The following KHDRBS2 variants were observed in gnomAD, a reference collection of about 807,000 sequenced individuals.
KHDRBS2 encodes KH domain-containing, RNA-binding, signal transduction-associated protein 2.
Under a neutral mutation model 44.3 loss-of-function variants are expected in KHDRBS2, and 26 were observed. That is an observed-to-expected ratio of 0.59 (90% CI 0.43 to 0.81). The LOEUF (loss-of-function observed/expected upper bound fraction) is 0.81, where lower values mean the gene tolerates loss of function less well. KHDRBS2 is among the 40% of genes least tolerant of loss of function. KHDRBS2 has a pLI of 0.00. For missense variants in KHDRBS2, 476 were observed against 433.1 expected (o/e 1.10, Z -0.88); for synonymous variants, 194 against 151.1 (o/e 1.28, Z -2.08).
At chr6:62,285,224 TTGGTA>T (rs1236217256) in intron 1 of KHDRBS2, among the ~76,000 whole-genome samples, 1 of 152,126 alleles carries the variant, frequency 6.6e-6, no homozygotes, top group Non-Finnish European at 1.5e-5. Context: ...AAATGCACAC[TTGGTA>T]AAACAGTTGA....
chr6:62,199,919 G>A (rs1300474381), intron 1 of KHDRBS2, among the ~76,000 whole-genome samples: 1 of 152,152 alleles, frequency 6.6e-6, no homozygotes, highest in African/African-American at 2.4e-5. Flanking sequence ...AGAGCCCTCA[G>A]AAATAATGCC....
chr6:61,612,391 GAATA>G, the KHDRBS2 span, among the ~76,000 whole-genome samples: 6 of 152,296 alleles, frequency 3.9e-5, no homozygotes, highest in East Asian at 9.6e-4. Flanking sequence ...TGGTTTGTTA[GAATA>G]AATATAGACC....
At chr6:61,610,918 G>A in the KHDRBS2 span, among the ~76,000 whole-genome samples, 34 of 152,224 alleles carry the variant, frequency 2.2e-4, no homozygotes, top group East Asian at 3.9e-4. Context: ...AACATGCTAA[G>A]GACCATTCTG....
chr6:61,744,548 A>T (rs993458316), intron 6 of KHDRBS2, among the ~76,000 whole-genome samples: 1 of 152,126 alleles, frequency 6.6e-6, no homozygotes, highest in Non-Finnish European at 1.5e-5. Context: ...TGTGTCTCCT[A>T]CCAAGAGATG....
chr6:61,851,173 G>A (rs1795348258), intron 6 of KHDRBS2, among the ~76,000 whole-genome samples: 2 of 151,342 alleles, frequency 1.3e-5, no homozygotes, highest in Non-Finnish European at 2.9e-5. Flanking sequence ...TTGCCTAAAA[G>A]CCTCTGTTGA....
intron 3 of KHDRBS2, among the ~76,000 whole-genome samples, chr6:62,026,231 C>T (rs955001951): frequency 5.9e-5 from 9 of 151,406 alleles, no homozygotes; most frequent in South Asian, 2.1e-4. Flanking sequence ...ATAACACTTT[C>T]CCCACTTGGC....
At chr6:62,216,976 A>T (rs1230344441) in intron 1 of KHDRBS2, among the ~76,000 whole-genome samples, 1 of 150,576 alleles carries the variant, frequency 6.6e-6, no homozygotes, top group African/African-American at 2.4e-5. Context: ...AGACTATAGA[A>T]ATTTCCTGGC....
chr6:61,889,562 T>C (rs1801492062), intron 6 of KHDRBS2, among the ~76,000 whole-genome samples: 1 of 125,086 alleles, frequency 8.0e-6, no homozygotes, highest in Non-Finnish European at 1.6e-5. Context: ...CACTTAGAAT[T>C]GAACCTCCTC....
intron 2 of KHDRBS2, among the ~76,000 whole-genome samples, chr6:62,048,382 G>A (rs1118201): frequency 0.82 from 124,839 of 151,738 alleles, 51,763 homozygotes; most frequent in Admixed American, 0.88. Context: ...TGATTTTAAC[G>A]TAAGTCTATG....
the KHDRBS2 span, among the ~76,000 whole-genome samples, chr6:61,568,956 C>T: frequency 1.1e-5 from 1 of 94,480 alleles, no homozygotes; most frequent in African/African-American, 4.1e-5. Flanking sequence ...CAGATATAAG[C>T]ATAGGAGTTG....
intron 1 of KHDRBS2, among the ~76,000 whole-genome samples, chr6:62,268,442 A>G (rs1298012335): frequency 1.3e-5 from 2 of 152,074 alleles, no homozygotes; most frequent in Non-Finnish European, 2.9e-5. Flanking sequence ...TTTCAGGGTG[A>G]CAGCAATGCT....
At chr6:61,939,546 G>T (rs1249092557) in intron 4 of KHDRBS2, among the ~76,000 whole-genome samples, 1 of 131,126 alleles carries the variant, frequency 7.6e-6, no homozygotes, top group Non-Finnish European at 1.8e-5. Context: ...TGAACAATGG[G>T]TAAAAAAAAC....
At chr6:61,746,364 G>A (rs1360574113) in intron 6 of KHDRBS2, among the ~76,000 whole-genome samples, 1 of 151,962 alleles carries the variant, frequency 6.6e-6, no homozygotes, top group African/African-American at 2.4e-5. Context: ...GTGTCCATGT[G>A]GTCTCACTGT....
chr6:61,884,224 A>T (rs1181786672), intron 6 of KHDRBS2, among the ~76,000 whole-genome samples: 1 of 152,098 alleles, frequency 6.6e-6, no homozygotes, highest in Non-Finnish European at 1.5e-5. Flanking sequence ...AGATGATAGG[A>T]TAGGCTGGAA....
At chr6:61,672,017 C>A in the KHDRBS2 span, among the ~76,000 whole-genome samples, 7 of 150,196 alleles carry the variant, frequency 4.7e-5, no homozygotes, top group African/African-American at 1.2e-4. Context: ...CCACAACAGT[C>A]CCCAGAGTGT....
intron 2 of KHDRBS2, among the ~76,000 whole-genome samples, chr6:62,167,297 G>A (rs1474384803): frequency 6.6e-6 from 1 of 152,076 alleles, no homozygotes; most frequent in Non-Finnish European, 1.5e-5. Flanking sequence ...AAAAAATGAT[G>A]TGAGTAGAAG....
At chr6:62,185,123 T>C (rs1170896208) in intron 1 of KHDRBS2, among the ~76,000 whole-genome samples, 1 of 151,916 alleles carries the variant, frequency 6.6e-6, no homozygotes, top group East Asian at 1.9e-4. Flanking sequence ...TTGTGCATTG[T>C]TGTCTGGCAA....
chr6:62,057,748 A>G (rs1790626378), intron 2 of KHDRBS2, among the ~76,000 whole-genome samples: 1 of 151,978 alleles, frequency 6.6e-6, no homozygotes, highest in African/African-American at 2.4e-5. Context: ...ATTTCAAGGT[A>G]TTTTATTCAC....
chr6:61,621,101 C>T, the KHDRBS2 span, among the ~76,000 whole-genome samples: 1 of 152,160 alleles, frequency 6.6e-6, no homozygotes, highest in South Asian at 2.1e-4. Flanking sequence ...CTGGGGACTA[C>T]ATTGCTTACT....
Sources: allele counts gnomAD v4.1 joint callset (sites outside exome capture counted in the v4.1 genomes callset), GRCh38; gene constraint gnomAD v4.1.1; transcripts MANE v1.5; gene names NCBI Gene and HGNC (gene_info 2026-07-23, HGNC 2026-07-21).